Variants in VLDLR observed in about 807,000 individuals in gnomAD.
The protein encoded by VLDLR is very low density lipoprotein receptor, also known as very low-density lipoprotein receptor.
VLDLR carries 81 observed loss-of-function variants against 112.7 expected under a neutral mutation model. The ratio of observed to expected loss-of-function variants is 0.72; its 90% CI spans 0.60 to 0.86. VLDLR has a LOEUF of 0.86. Among genes scored for constraint, VLDLR ranks in the 40% least tolerant of loss-of-function variants. The pLI, the probability that VLDLR is intolerant of heterozygous loss-of-function variation, is 0.00. For synonymous variants in VLDLR, 436 were observed against 384.8 expected, an observed-to-expected ratio of 1.13 and a Z score of -1.56; for missense variants, 1,237 against 1,099.4, an observed-to-expected ratio of 1.13 and a Z score of -1.77.
Position 2,654,074 on chromosome 9 carries a change from G to A in VLDLR, c.*206G>A. ...TCCACATTCTACTTCAGCTTTGGATGTGGTTACCGAGTATCTGTAACCCTT... is the reference window on the plus strand; with the variant it reads ...TCCACATTCTACTTCAGCTTTGGATATGGTTACCGAGTATCTGTAACCCTT... On this transcript the variant is annotated 3_prime_UTR_variant, in exon 19 of 19. Coordinates refer to ENST00000382100, the MANE Select transcript of VLDLR (RefSeq NM_003383.5). 1.7e-6 allele frequency: 1 copy of A among 574,956 alleles called. No individual in the cohort carries two copies. Among genetic ancestry groups the A allele is most frequent in the Non-Finnish European group, 3.1e-6 (1 of 322,060 alleles). The allele number at this position is 574,956 out of a possible 1,614,324, so 35.6% of individuals were successfully genotyped here.
At chr9:2,641,188 G>A (rs1018178110) in intron 3 of VLDLR, among the ~76,000 whole-genome samples, 189 bp from the exon 4 acceptor site, 1 of 152,204 alleles carries the variant, frequency 6.6e-6, no homozygotes, top group African/African-American at 2.4e-5. Flanking sequence ...CTGCCAGGTA[G>A]CATAGGTTGG....
chr9:2,642,296 G>C lies in VLDLR; in HGVS notation c.448+797G>C, dbSNP rs138156730. Among the ~76,000 whole-genome samples the C allele has an allele frequency of 9.9e-4, 150 of 152,272 alleles. 1 individual carries two copies. Among genetic ancestry groups the C allele is most frequent in the Admixed American group, 3.7e-3 (56 of 15,286 alleles). ...GGCCTCCTGATATGGTAGTAGTCAA[G>C]GGAGCTCAGGGCACTTACAGTTGAA... On this transcript the variant is annotated intron_variant, in intron 4 of 18. Transcript: ENST00000382100.
intron 9 of VLDLR, 96 bp from the exon 10 acceptor site, chr9:2,645,478 T>C (rs1270302600): frequency 1.4e-6 from 2 of 1,464,234 alleles, no homozygotes; most frequent in Non-Finnish European, 1.9e-6. Flanking sequence ...CCACAATACC[T>C]TTATTTTCTA....
rs548832839 is a variant in VLDLR, at chr9:2,656,329, C to G, written c.*2461C>G. On this transcript the variant is annotated 3_prime_UTR_variant, in exon 19 of 19. Coordinates refer to ENST00000382100, the MANE Select transcript of VLDLR (RefSeq NM_003383.5). Reference sequence around the variant, plus strand: ...TATTGGTGGGCCAGGCATGGTGGCTCACGCCTATAATCCCAGCACTTTGGA... The same window carrying G: ...TATTGGTGGGCCAGGCATGGTGGCTGACGCCTATAATCCCAGCACTTTGGA... The G allele has an allele frequency of 6.6e-6, 1 of 152,098 alleles. No individual in the cohort carries two copies. 9.4% of individuals were successfully genotyped at this position (152,098 alleles called of 1,614,324 possible). A position where few individuals can be genotyped will look rare whatever the true frequency, so the allele number is the denominator to read the frequency against.
intron 8 of VLDLR, 51 bp downstream of exon 8, chr9:2,644,904 A>G: frequency 6.2e-7 from 1 of 1,614,182 alleles, no homozygotes; most frequent in Non-Finnish European, 8.5e-7. Context: ...AAAGGATAGT[A>G]TGTACCTAGT....
rs1818722319 is a variant in VLDLR at position 2,659,397 on chromosome 9, G to A, written c.*5529G>A. Reference sequence around the variant, plus strand: ...CATCCAGTATGGTGGTGTAATGGAAGTGTACTACTAGCACTACTACATCAG... The same window carrying A: ...CATCCAGTATGGTGGTGTAATGGAAATGTACTACTAGCACTACTACATCAG... On this transcript the variant is annotated 3_prime_UTR_variant, in exon 19 of 19. Coordinates refer to ENST00000382100, the MANE Select transcript of VLDLR (RefSeq NM_003383.5). 6.6e-6 allele frequency: 1 copy of A among 152,228 alleles called. No homozygotes were observed. Among genetic ancestry groups the A allele is most frequent in the Non-Finnish European group, 1.5e-5 (1 of 68,048 alleles). 9.4% of individuals were successfully genotyped at this position (152,228 alleles called of 1,614,324 possible).
chr9:2,641,850 A>G (rs963520161), intron 4 of VLDLR, among the ~76,000 whole-genome samples: 2 of 152,098 alleles, frequency 1.3e-5, no homozygotes, highest in Admixed American at 6.6e-5. Flanking sequence ...TTAGAAGGTG[A>G]GTAGGGTTGG....
intron 1 of VLDLR, among the ~76,000 whole-genome samples, chr9:2,622,990 C>A (rs748088286): frequency 9.9e-5 from 15 of 152,242 alleles, no homozygotes; most frequent in Non-Finnish European, 1.9e-4. Flanking sequence ...CCGCTCGGGT[C>A]TCCCGTGTAG....
chr9:2,645,577 A>T lies in VLDLR; in HGVS notation c.1316A>T (p.Lys439Ile), dbSNP rs201774205. Residue 439 changes from lysine to isoleucine, a missense_variant, in exon 10 of 19, where the codon AAA becomes ATA. By Grantham distance (102) the Lys-to-Ile change is moderately radical. Transcript: ENST00000382100. Reference protein sequence around the residue: ...LATGVCKAVGKEPSLIFTNRR... With the variant: ...LATGVCKAVGIEPSLIFTNRR... Reference sequence around the variant, plus strand: ...AACCCAGACTTCCATCTTGCAGGCAAAGAGCCAAGTCTGATCTTCACTAAT... The same window carrying T: ...AACCCAGACTTCCATCTTGCAGGCATAGAGCCAAGTCTGATCTTCACTAAT... 4.6e-5 allele frequency: 74 copies of T among 1,614,120 alleles called. No individual in the cohort carries two copies. Among genetic ancestry groups the T allele is most frequent in the Non-Finnish European group, 2.4e-5 (28 of 1,180,042 alleles).
chr9:2,622,411 G>A, intron 1 of VLDLR, 140 bp downstream of exon 1: 1 of 734,194 alleles, frequency 1.4e-6, no homozygotes, highest in Admixed American at 4.3e-5. Flanking sequence ...CCTCCCCTCC[G>A]TGGTGGCGCC....
rs1371551591 is a variant in VLDLR, at chr9:2,659,994, T to C, written c.*6126T>C. The stretch of plus-strand genomic sequence containing the variant: ...GTTAGAATGCAGAGTCCTGATGACC[T>C]GTCAATAAACTTTTTTTTACTAATG... On this transcript the variant is annotated 3_prime_UTR_variant, in exon 19 of 19. Coordinates refer to ENST00000382100, the MANE Select transcript of VLDLR (RefSeq NM_003383.5). 1.3e-5 allele frequency: 2 copies of C among 152,210 alleles called. No individual in the cohort carries two copies. Among genetic ancestry groups the C allele is most frequent in the African/African-American group, 4.8e-5 (2 of 41,456 alleles). 9.4% of individuals were successfully genotyped at this position (152,210 alleles called of 1,614,324 possible).
rs1818153860 is a variant in VLDLR at position 2,648,120 on chromosome 9, A to G, written c.1823-88A>G. ...AAACCCTGCTGGGGAAAGAACCGTG[A>G]AAGTAGATTATTAATTCATTAGATA... On this transcript the variant is annotated intron_variant, in intron 12 of 18. Transcript: ENST00000382100. 1.9e-6 allele frequency: 3 copies of G among 1,570,250 alleles called. No homozygotes were observed. In the African/African-American group the frequency reaches 4.1e-5, roughly 21 times the overall value.
Position 2,643,216 on chromosome 9 carries a change from A to G in VLDLR, c.505A>G (p.Arg169Gly), listed in dbSNP as rs777739092. Reference sequence around the variant, plus strand: ...CTGCTCCAGTGGCCGCTGCATCTCCAGGAACTTTGTATGCAATGGCCAGGA... The same window carrying G: ...CTGCTCCAGTGGCCGCTGCATCTCCGGGAACTTTGTATGCAATGGCCAGGA... ...FTCSSGRCIS[R>G]NFVCNGQDDC... The change falls in exon 5 of 19, where the codon AGG (arginine) becomes GGG (glycine). Residue 169 changes from arginine (R) to glycine (G), a missense_variant. Arg to Gly is a moderately radical substitution (Grantham distance 125). Coordinates refer to ENST00000382100, the MANE Select transcript of VLDLR (RefSeq NM_003383.5). 6.2e-7 allele frequency: 1 copy of G among 1,614,078 alleles called. No individual in the cohort carries two copies.
At chr9:2,639,272 A>G (rs1485556417) in intron 2 of VLDLR, among the ~76,000 whole-genome samples, 1 of 152,210 alleles carries the variant, frequency 6.6e-6, no homozygotes, top group Non-Finnish European at 1.5e-5. Flanking sequence ...CATAGTAGAT[A>G]ACAAAGAGAG....
intron 1 of VLDLR, among the ~76,000 whole-genome samples, chr9:2,634,035 G>C (rs1817489242): frequency 6.6e-6 from 1 of 152,172 alleles, no homozygotes; most frequent in Admixed American, 6.5e-5. Flanking sequence ...AAACCATTCT[G>C]CTTTGTAGCT....
intron 3 of VLDLR, 54 bp downstream of exon 3, chr9:2,640,035 A>G (rs1454134125): frequency 1.2e-6 from 2 of 1,613,674 alleles, no homozygotes; most frequent in East Asian, 2.2e-5. Flanking sequence ...GGTGTCTAAC[A>G]TTTCTAAGTA....
intron 13 of VLDLR, 137 bp downstream of exon 13, chr9:2,648,484 A>G: frequency 6.6e-7 from 1 of 1,517,620 alleles, no homozygotes; most frequent in East Asian, 2.3e-5. Context: ...ACCTGGTACA[A>G]ATCAGACACT....
intron 15 of VLDLR, 129 bp downstream of exon 15, chr9:2,650,645 G>T: frequency 7.7e-7 from 1 of 1,301,428 alleles, no homozygotes; most frequent in Non-Finnish European, 1.1e-6. Flanking sequence ...ATCTGCTATT[G>T]TATGCCGGGT....
chr9:2,646,531 T>C lies in VLDLR; in HGVS notation c.1682T>C (p.Ile561Thr). ...TCTGACTTGCGAGAGCCTGCCTCCA[T>C]AGCTGTGGACCCACTGTCTGGGTTT... ...FNSDLREPASIAVDPLSGFVY... is the reference protein window; with the variant it reads ...FNSDLREPASTAVDPLSGFVY... The change falls in exon 11 of 19, where the codon ATA (isoleucine) becomes ACA (threonine). Residue 561 changes from isoleucine (I) to threonine (T), a missense_variant. Coordinates refer to ENST00000382100, the MANE Select transcript of VLDLR (RefSeq NM_003383.5). 6.2e-7 allele frequency: 1 copy of C among 1,614,138 alleles called. No individual in the cohort carries two copies. The highest frequency in any genetic ancestry group is 8.5e-7 in the Non-Finnish European group (1 of 1,179,994).
Sources: gnomAD v4.1 joint callset for allele counts (sites outside exome capture counted in the v4.1 genomes callset) on GRCh38, gnomAD v4.1.1 for gene constraint, MANE v1.5 for transcripts, NCBI Gene and HGNC (gene_info 2026-07-23, HGNC 2026-07-21) for gene names.